The following PTPRG variants were observed in gnomAD, a reference collection of about 807,000 sequenced individuals.
PTPRG encodes the protein protein tyrosine phosphatase receptor type G.
In PTPRG, 102 loss-of-function variants were observed where a neutral mutation model predicts 165.3. The ratio of observed to expected loss-of-function variants is 0.62; its 90% CI spans 0.53 to 0.73. The LOEUF is 0.73. Among genes scored for constraint, PTPRG ranks in the 30% least tolerant of loss-of-function variants. PTPRG has a pLI of 0.00. For missense variants in PTPRG, 1,866 were observed against 1,861.4 expected (o/e 1.00, Z -0.05); for synonymous variants, 675 against 669.5 (o/e 1.01, Z -0.13).
chr3:62,107,173 A>T (rs1702501459), intron 5 of PTPRG, among the ~76,000 whole-genome samples: 1 of 152,244 alleles, frequency 6.6e-6, no homozygotes, highest in Non-Finnish European at 1.5e-5. Flanking sequence ...CCTGTTAAGA[A>T]TTATGTTTCC....
At chr3:62,019,387 G>C (rs751589464) in intron 4 of PTPRG, among the ~76,000 whole-genome samples, 11 of 152,072 alleles carry the variant, frequency 7.2e-5, no homozygotes, top group Non-Finnish European at 1.2e-4. Flanking sequence ...GTTGGGCGTG[G>C]TGGCACGCAT....
intron 7 of PTPRG, among the ~76,000 whole-genome samples, chr3:62,158,638 T>C (rs1704628841): frequency 6.6e-6 from 1 of 152,166 alleles, no homozygotes. Flanking sequence ...GTGTTACCTG[T>C]CAGTGGGTAA....
chr3:61,588,081 C>T (rs911286156), intron 1 of PTPRG, among the ~76,000 whole-genome samples: 1 of 152,134 alleles, frequency 6.6e-6, no homozygotes, highest in African/African-American at 2.4e-5. Flanking sequence ...TTTCATGACC[C>T]TGCCCCTTCA....
intron 5 of PTPRG, among the ~76,000 whole-genome samples, chr3:62,124,926 C>T (rs1005446795): frequency 6.6e-6 from 1 of 152,104 alleles, no homozygotes; most frequent in Non-Finnish European, 1.5e-5. Context: ...TCTAGCCCAC[C>T]CTCAAGGGAA....
intron 2 of PTPRG, among the ~76,000 whole-genome samples, chr3:61,902,767 A>C (rs1387795526): frequency 6.6e-6 from 1 of 151,968 alleles, no homozygotes; most frequent in Non-Finnish European, 1.5e-5. Flanking sequence ...CTACCTGGTA[A>C]ATCTTTATTG....
intron 2 of PTPRG, chr3:61,769,452 T>A (rs572767646): frequency 6.6e-6 from 1 of 152,374 alleles, no homozygotes; most frequent in South Asian, 2.1e-4. Flanking sequence ...TTGTTCTTTT[T>A]CATAGAGATG....
At chr3:62,035,998 TCTATGTGCCAGACAGTG>T (rs1338404742) in intron 4 of PTPRG, among the ~76,000 whole-genome samples, 2 of 151,740 alleles carry the variant, frequency 1.3e-5, no homozygotes, top group African/African-American at 4.9e-5. Flanking sequence ...CCAAGTGCTT[TCTATGTGCCAGACAGTG>T]CTCTGTGCAT....
chr3:61,741,682 G>A (rs665865), intron 1 of PTPRG, among the ~76,000 whole-genome samples: 3,130 of 152,234 alleles, frequency 0.021, 47 homozygotes, highest in Non-Finnish European at 0.033. Flanking sequence ...TTCCCTGTAG[G>A]AGATAATGAC....
chr3:62,201,441 GGA>G, intron 10 of PTPRG, 62 bp from the exon 11 acceptor site: 1 of 1,260,580 alleles, frequency 7.9e-7, no homozygotes, highest in Non-Finnish European at 1.1e-6. Context: ...GTGTTCATAA[GGA>G]ATATCTTGTT....
At position 62,174,939 on chromosome 3, in the gene PTPRG, T is replaced by C. The variant is rs576128326; in HGVS notation, c.1033+6776T>C. ...CCATGGAGAGTTTTTAACCCCCTTC[T>C]TTCAAAAATAACTTTGATTTGTCAT... On this transcript the variant is annotated intron_variant, in intron 8 of 29. Transcript: ENST00000474889. Among the ~76,000 whole-genome samples the C allele has an allele frequency of 4.6e-5, 7 of 152,292 alleles. No individual in the cohort carries two copies. The East Asian group carries it at 1.4e-3, about 29-fold the overall frequency.
rs566400461 is a variant in PTPRG, at chr3:62,178,557, G to A, written c.1033+10394G>A. ...CGTACATTTCAACAAAACATGGAGCGAGGGCTTTTCTGTCTGCCTCAAGGA... is the reference window on the plus strand; with the variant it reads ...CGTACATTTCAACAAAACATGGAGCAAGGGCTTTTCTGTCTGCCTCAAGGA... On this transcript the variant is annotated intron_variant, in intron 8 of 29. Coordinates refer to ENST00000474889, the MANE Select transcript of PTPRG (RefSeq NM_002841.4). Among the ~76,000 whole-genome samples the A allele has an allele frequency of 2.0e-5, 3 of 152,260 alleles. No homozygotes were observed. In the South Asian group the frequency reaches 6.2e-4, roughly 32 times the overall value.
chr3:61,777,007 C>T (rs1380333729), intron 2 of PTPRG, among the ~76,000 whole-genome samples: 1 of 152,100 alleles, frequency 6.6e-6, no homozygotes, highest in Non-Finnish European at 1.5e-5. Flanking sequence ...AGGTTCAAGT[C>T]TCATTCCTCT....
chr3:61,614,465 A>G (rs1027191788), intron 1 of PTPRG, among the ~76,000 whole-genome samples: 7 of 132,134 alleles, frequency 5.3e-5, no homozygotes, highest in Middle Eastern at 4.9e-3. Context: ...GCTGGAGTGC[A>G]GTGGCGTGAT....
intron 1 of PTPRG, among the ~76,000 whole-genome samples, chr3:61,631,917 A>G (rs1205447722): frequency 6.6e-6 from 1 of 152,184 alleles, no homozygotes; most frequent in African/African-American, 2.4e-5. Flanking sequence ...ATTGCTGTAA[A>G]ATGATATAGA....
At chr3:62,212,720 C>T (rs933210096) in intron 12 of PTPRG, among the ~76,000 whole-genome samples, 31 of 152,156 alleles carry the variant, frequency 2.0e-4, no homozygotes, top group African/African-American at 7.5e-4. Context: ...AGGGAGTGTG[C>T]CGCTTGGTTC....
intron 1 of PTPRG, among the ~76,000 whole-genome samples, chr3:61,663,463 A>G (rs1442201080): frequency 6.6e-6 from 1 of 152,182 alleles, no homozygotes; most frequent in Non-Finnish European, 1.5e-5. Flanking sequence ...ATGTTATTGT[A>G]AGGCTTGGAG....
At chr3:62,056,042 A>G (rs1228113045) in intron 4 of PTPRG, among the ~76,000 whole-genome samples, 1 of 152,236 alleles carries the variant, frequency 6.6e-6, no homozygotes, top group Non-Finnish European at 1.5e-5. Flanking sequence ...CCAAGTACAT[A>G]TGACTCTATA....
intron 1 of PTPRG, among the ~76,000 whole-genome samples, chr3:61,598,318 GC>G (rs1454741944): frequency 3.9e-5 from 6 of 152,152 alleles, no homozygotes; most frequent in African/African-American, 9.7e-5. Flanking sequence ...AAAGGAGTGG[GC>G]CAAGAAAGTA....
At chr3:61,994,987 A>G (rs2040985075) in intron 3 of PTPRG, among the ~76,000 whole-genome samples, 1 of 149,412 alleles carries the variant, frequency 6.7e-6, no homozygotes, top group African/African-American at 2.5e-5. Context: ...GGAGACAAGG[A>G]TGTGTGAGCC....
Sources: gnomAD v4.1 joint callset for allele counts (sites outside exome capture counted in the v4.1 genomes callset) on GRCh38, gnomAD v4.1.1 for gene constraint, MANE v1.5 for transcripts, NCBI Gene and HGNC (gene_info 2026-07-23, HGNC 2026-07-21) for gene names.